The following MYO9A variants were observed in gnomAD, a reference collection of about 807,000 sequenced individuals.
MYO9A encodes myosin IXA, also known as unconventional myosin-IXa.
A neutral mutation model predicts 293.3 loss-of-function variants in MYO9A; 103 were observed. The ratio of observed to expected loss-of-function variants is 0.35; its 90% confidence interval spans 0.30 to 0.41. The LOEUF (loss-of-function observed/expected upper bound fraction) is 0.41, where lower values mean the gene tolerates loss of function less well. MYO9A is among the 10% of genes least tolerant of loss of function. MYO9A has a pLI of 1.00. For missense variants in MYO9A, 2,685 were observed against 3,033.0 expected (o/e 0.89, Z 2.69); for synonymous variants, 1,001 against 1,035.7 (o/e 0.97, Z 0.64).
At chr15:71,943,084 T>C (rs2058820625) in intron 15 of MYO9A, among the ~76,000 whole-genome samples, 1 of 152,054 alleles carries the variant, frequency 6.6e-6, no homozygotes, top group African/African-American at 2.4e-5. Context: ...CATTGAGAGT[T>C]TAACTGGTGA....
At chr15:71,903,608 A>G (rs1397705900) in intron 21 of MYO9A, among the ~76,000 whole-genome samples, 1 of 152,254 alleles carries the variant, frequency 6.6e-6, no homozygotes, top group East Asian at 1.9e-4. Context: ...TTTTCACTAG[A>G]TAATTCTCAT....
chr15:72,023,689 C>T (rs1312645501), intron 4 of MYO9A, among the ~76,000 whole-genome samples: 4 of 130,618 alleles, frequency 3.1e-5, no homozygotes, highest in Non-Finnish European at 4.7e-5. Context: ...GAATGAAACT[C>T]TGTCTCAAAA....
In MYO9A at chr15:71,928,329, G is replaced by A. The variant is rs984227718; in HGVS notation, c.2562+5341C>T. ...CCTGACCTCATGATCCACCCGCCTC[G>A]GCCTCCCAAAGTGCTGTCTAATATA... On this transcript the variant is annotated intron_variant, in intron 18 of 41. Transcript: ENST00000356056. 1.5e-4 allele frequency among the ~76,000 whole-genome samples: 23 copies of A among 150,834 alleles called. 1 individual carries two copies. The highest frequency in any genetic ancestry group is 4.6e-4 in the Admixed American group (7 of 15,112).
intron 11 of MYO9A, among the ~76,000 whole-genome samples, chr15:71,988,394 A>G (rs2076456046): frequency 6.6e-6 from 1 of 152,214 alleles, no homozygotes; most frequent in Admixed American, 6.5e-5. Flanking sequence ...AAACTAGAAT[A>G]AAAACAGTAC....
At chr15:72,106,293 C>T (rs2080565714) in intron 1 of MYO9A, among the ~76,000 whole-genome samples, 1 of 152,008 alleles carries the variant, frequency 6.6e-6, no homozygotes, top group Non-Finnish European at 1.5e-5. Context: ...GCCTGGGCAA[C>T]ATAGCAAGAC....
intron 1 of MYO9A, among the ~76,000 whole-genome samples, chr15:72,087,527 A>G (rs1210985047): frequency 2.0e-5 from 3 of 152,012 alleles, no homozygotes; most frequent in Non-Finnish European, 4.4e-5. Context: ...TGCCAGTTCA[A>G]CTCACCCGTT....
chr15:71,984,217 A>T (rs2076351751), intron 11 of MYO9A, among the ~76,000 whole-genome samples: 1 of 152,246 alleles, frequency 6.6e-6, no homozygotes, highest in African/African-American at 2.4e-5. Context: ...TTCTGAGCAC[A>T]TTTAATGTCC....
At chr15:72,059,630 T>G (rs1479238301) in intron 1 of MYO9A, among the ~76,000 whole-genome samples, 3 of 152,200 alleles carry the variant, frequency 2.0e-5, no homozygotes, top group Admixed American at 2.0e-4. Flanking sequence ...TTGGATTGGC[T>G]TTTTTTAGTG....
At chr15:71,949,658 CTT>C (rs779348640) in intron 15 of MYO9A, among the ~76,000 whole-genome samples, 8 of 139,976 alleles carry the variant, frequency 5.7e-5, no homozygotes, top group Admixed American at 7.2e-5. Flanking sequence ...TTGATTTCCA[CTT>C]TTTTTTTTTT....
intron 34 of MYO9A, among the ~76,000 whole-genome samples, chr15:71,857,223 T>C (rs778393402): frequency 2.0e-5 from 3 of 152,212 alleles, no homozygotes; most frequent in Non-Finnish European, 4.4e-5. Context: ...GAACATTCTA[T>C]TTCTTGAAAT....
intron 1 of MYO9A, among the ~76,000 whole-genome samples, chr15:72,075,238 T>C (rs911264560): frequency 5.4e-4 from 81 of 150,708 alleles, no homozygotes; most frequent in African/African-American, 2.0e-3. Context: ...AGTGCTGGGA[T>C]TACAGGCATG....
intron 2 of MYO9A, among the ~76,000 whole-genome samples, chr15:72,040,606 G>A (rs910526216): frequency 4.6e-5 from 7 of 152,090 alleles, no homozygotes; most frequent in East Asian, 1.9e-4. Context: ...AGTATTTTCC[G>A]TTTTTTTGAG....
At chr15:71,881,418 C>T (rs2056869873) in intron 28 of MYO9A, among the ~76,000 whole-genome samples, 1 of 151,904 alleles carries the variant, frequency 6.6e-6, no homozygotes, top group African/African-American at 2.4e-5. Flanking sequence ...AAAAAGTAGC[C>T]CCCTACATGC....
At chr15:71,845,925 G>T (rs1285255086) in intron 39 of MYO9A, among the ~76,000 whole-genome samples, 2 of 152,164 alleles carry the variant, frequency 1.3e-5, no homozygotes, top group Non-Finnish European at 2.9e-5. Flanking sequence ...GACAAAGTTT[G>T]ATTATTCTTC....
intron 14 of MYO9A, among the ~76,000 whole-genome samples, chr15:71,953,044 A>G (rs894097365): frequency 1.3e-5 from 2 of 152,210 alleles, no homozygotes; most frequent in Admixed American, 1.3e-4. Context: ...ACAGGCTTTT[A>G]AAAAATAAAG....
At position 71,854,553 on chromosome 15, in the gene MYO9A, G is replaced by A. The variant is rs1484855408; in HGVS notation, c.6170C>T (p.Ser2057Leu). 2 of 1,603,314 alleles carry A rather than the reference G, an allele frequency of 1.2e-6. No individual in the cohort carries two copies. Among genetic ancestry groups the A allele is most frequent in the Non-Finnish European group, 1.7e-6 (2 of 1,176,304 alleles). Reference protein sequence around the residue: ...KCSKKYDPELSSRQFGVELSR... With the variant: ...KCSKKYDPELLSRQFGVELSR... The stretch of plus-strand genomic sequence containing the variant: ...CAGTTCAACCCCAAATTGTCGAGAT[G>A]ACAGCTCTGGATCATACTAAATGAA... The change falls in exon 35 of 42, where the codon TCA becomes TTA. Residue 2057 changes from serine (S) to leucine (L), a missense_variant. By Grantham distance (145) the Ser-to-Leu change is moderately radical. Around this residue, in one of 10 missense-constraint regions of MYO9A, gnomAD observed 238 missense variants for 269.1 expected, o/e 0.88. Coordinates refer to ENST00000356056, the MANE Select transcript of MYO9A (RefSeq NM_006901.4).
chr15:71,827,897 G>A lies in MYO9A; in HGVS notation c.7170C>T (p.Ile2390=). The change falls in exon 41 of 42, where the codon ATC becomes ATT. Residue 2390 remains isoleucine (I), a synonymous_variant. Transcript: ENST00000356056. ...ENLNMESEYA[I]SEKSERSLAL... ...ATGTTCACTTACCTGATTTCTCAGA[G>A]ATAGCATATTCAGACTCCATATTCA... The A allele has an allele frequency of 1.9e-6, 3 of 1,613,206 alleles. No homozygotes were observed. The African/African-American group carries it at 4.0e-5, about 22-fold the overall frequency.
chr15:71,827,970 G>T lies in MYO9A; in HGVS notation c.7097C>A (p.Thr2366Asn). The T allele has an allele frequency of 1.2e-6, 2 of 1,613,788 alleles. No individual in the cohort carries two copies. Among genetic ancestry groups the T allele is most frequent in the Non-Finnish European group, 1.7e-6 (2 of 1,179,794 alleles). The change falls in exon 41 of 42, where the codon ACC (threonine) becomes AAC (asparagine). Residue 2366 changes from threonine (T) to asparagine (N), a missense_variant. By Grantham distance (65) the Thr-to-Asn change is moderately conservative. Around this residue, in one of 10 missense-constraint regions of MYO9A, gnomAD observed 350 missense variants for 328.9 expected, o/e 1.06. Transcript: ENST00000356056. ...VLEPRASDDE[T>N]LESEASIGTA... is the part of the protein sequence containing the mutation. ...CCCAATGGAGGCCTCAGACTCAAGG[G>T]TTTCATCATCAGAGGCACGGGGTTC...
At chr15:71,932,826 G>C (rs2058516055) in intron 18 of MYO9A, among the ~76,000 whole-genome samples, 1 of 151,954 alleles carries the variant, frequency 6.6e-6, no homozygotes, top group South Asian at 2.1e-4. Flanking sequence ...CGCATCAATA[G>C]TTTATTCATT....
Sources: allele counts gnomAD v4.1 joint callset (sites outside exome capture counted in the v4.1 genomes callset), GRCh38; gene constraint gnomAD v4.1.1; regional missense constraint gnomAD v4.1.1; transcripts MANE v1.5; gene names NCBI Gene and HGNC (gene_info 2026-07-23, HGNC 2026-07-21).